STX6: variants seen among roughly 807,000 people sequenced by gnomAD.
STX6 encodes syntaxin-6.
Under a neutral mutation model 38.0 loss-of-function variants are expected in STX6, and 23 were observed. That is an observed-to-expected ratio of 0.60 (90% CI 0.43 to 0.86). The LOEUF (loss-of-function observed/expected upper bound fraction) is 0.86. Ranked by LOEUF, STX6 falls within the 40% of genes least tolerant of loss-of-function variation. The pLI is 0.00. For synonymous variants in STX6, 123 were observed against 107.5 expected, an observed-to-expected ratio of 1.14 and a Z score of -0.89; for missense variants, 274 against 312.9, an observed-to-expected ratio of 0.88 and a Z score of 0.94.
intron 7 of STX6, among the ~76,000 whole-genome samples, chr1:180,980,229 T>C (rs1315512182): frequency 2.2e-5 from 2 of 92,320 alleles, no homozygotes; most frequent in South Asian, 6.3e-4. Flanking sequence ...AAAAACACCA[T>C]GAAAGAGCTG....
intron 4 of STX6, among the ~76,000 whole-genome samples, chr1:180,990,514 A>T (rs904279972): frequency 2.0e-5 from 3 of 151,454 alleles, no homozygotes; most frequent in Admixed American, 6.6e-5. Context: ...GTACTTTTTT[A>T]AAAAAAGTGT....
rs140743270 is a variant in STX6, at chr1:180,988,291, C to T, written c.544G>A (p.Val182Met). The T allele has an allele frequency of 5.0e-5, 81 of 1,613,942 alleles. No individual in the cohort carries two copies. The highest frequency in any genetic ancestry group is 6.4e-5 in the Non-Finnish European group (76 of 1,179,972). Reference sequence around the variant, plus strand: ...ATGCGCTGGGACATGTTCTTCAGCACCCCGATGCTGCCAGAGACCAGCTCC... The same window carrying T: ...ATGCGCTGGGACATGTTCTTCAGCATCCCGATGCTGCCAGAGACCAGCTCC... ...QLELVSGSIGVLKNMSQRIGG... is the reference protein window; with the variant it reads ...QLELVSGSIGMLKNMSQRIGG... Residue 182 changes from valine (V) to methionine (M), a missense_variant, in exon 6 of 8, where the codon GTG becomes ATG. Val to Met is a conservative substitution (Grantham distance 21). Coordinates refer to ENST00000258301, the MANE Select transcript of STX6 (RefSeq NM_005819.6).
intron 1 of STX6, among the ~76,000 whole-genome samples, chr1:181,007,353 G>C (rs1365664373): frequency 6.6e-6 from 1 of 152,056 alleles, no homozygotes; most frequent in Non-Finnish European, 1.5e-5. Flanking sequence ...TGTTCAGTAG[G>C]GATGCAACCA....
rs140415977 is a variant in STX6 at position 180,981,794 on chromosome 1, G to A, written c.691+2883C>T. On this transcript the variant is annotated intron_variant, in intron 7 of 7. Coordinates refer to ENST00000258301, the MANE Select transcript of STX6 (RefSeq NM_005819.6). Reference sequence around the variant, plus strand: ...CCCAGCAGACTTCTCAGCACTTCCCGCAGAGGCTTCATGCATAGAAGGAAC... The same window carrying A: ...CCCAGCAGACTTCTCAGCACTTCCCACAGAGGCTTCATGCATAGAAGGAAC... Among the ~76,000 whole-genome samples, 896 of 152,278 alleles carry A rather than the reference G, an allele frequency of 5.9e-3. 14 individuals carry two copies. The highest frequency in any genetic ancestry group is 0.021 in the African/African-American group (860 of 41,540).
At chr1:180,978,197 G>A (rs184242063) in intron 7 of STX6, among the ~76,000 whole-genome samples, 8 of 152,148 alleles carry the variant, frequency 5.3e-5, no homozygotes, top group African/African-American at 7.2e-5. Context: ...TCACTCTGTC[G>A]TAACAAGTAA....
chr1:181,008,308 C>T (rs538737940), intron 1 of STX6, among the ~76,000 whole-genome samples: 5 of 152,222 alleles, frequency 3.3e-5, no homozygotes, highest in African/African-American at 9.6e-5. Context: ...GCTGAGATTC[C>T]GTTATCCAAA....
At chr1:180,993,905 C>T (rs1655825600) in intron 3 of STX6, among the ~76,000 whole-genome samples, 1 of 152,122 alleles carries the variant, frequency 6.6e-6, no homozygotes, top group African/African-American at 2.4e-5. Flanking sequence ...TGTAAAAAAC[C>T]ATGTGCTTTT....
chr1:181,005,221 G>A, intron 2 of STX6, 73 bp downstream of exon 2: 2 of 1,547,334 alleles, frequency 1.3e-6, no homozygotes, highest in Non-Finnish European at 1.7e-6. Context: ...TCTACATACT[G>A]GAAACAACTG....
intron 3 of STX6, among the ~76,000 whole-genome samples, chr1:180,997,032 A>G (rs1236024163): frequency 6.6e-6 from 1 of 152,250 alleles, no homozygotes; most frequent in Non-Finnish European, 1.5e-5. Context: ...ATCATAACAG[A>G]GCCACATTAA....
At chr1:180,987,537 T>A (rs1655623183) in intron 6 of STX6, among the ~76,000 whole-genome samples, 1 of 151,944 alleles carries the variant, frequency 6.6e-6, no homozygotes, top group Non-Finnish European at 1.5e-5. Flanking sequence ...GAATTCATAA[T>A]CAATCAATGT....
chr1:181,018,961 G>A (rs1479255856), intron 1 of STX6, among the ~76,000 whole-genome samples: 1 of 152,154 alleles, frequency 6.6e-6, no homozygotes. Context: ...TGAAGCCTGA[G>A]TACACCACTT....
intron 7 of STX6, among the ~76,000 whole-genome samples, chr1:180,982,690 ATGAG>A (rs766569019): frequency 3.9e-5 from 6 of 152,226 alleles, no homozygotes; most frequent in Non-Finnish European, 8.8e-5. Flanking sequence ...TACTACATAC[ATGAG>A]TGAGAGGCCT....
chr1:180,995,317 C>T (rs1655874831), intron 3 of STX6, among the ~76,000 whole-genome samples: 1 of 152,130 alleles, frequency 6.6e-6, no homozygotes, highest in Non-Finnish European at 1.5e-5. Flanking sequence ...CGAAGTCAGA[C>T]TCTTGACGGC....
chr1:181,004,273 G>C (rs1313069651), intron 2 of STX6, among the ~76,000 whole-genome samples: 7 of 152,206 alleles, frequency 4.6e-5, no homozygotes, highest in African/African-American at 1.7e-4. Context: ...ACAGCTCCTT[G>C]ATCCCTTGGA....
chr1:181,018,245 T>TA (rs1656618953), intron 1 of STX6, among the ~76,000 whole-genome samples: 1 of 151,654 alleles, frequency 6.6e-6, no homozygotes, highest in Admixed American at 6.6e-5. Flanking sequence ...TAGCCAGGCA[T>TA]AGTGGCGCAC....
chr1:181,009,208 T>C (rs1440170564), intron 1 of STX6, among the ~76,000 whole-genome samples: 1 of 152,210 alleles, frequency 6.6e-6, no homozygotes, highest in Non-Finnish European at 1.5e-5. Flanking sequence ...GGCTCATGCC[T>C]GTAATCACAG....
At chr1:180,982,623 T>A (rs1446216884) in intron 7 of STX6, among the ~76,000 whole-genome samples, 1 of 152,246 alleles carries the variant, frequency 6.6e-6, no homozygotes, top group Non-Finnish European at 1.5e-5. Flanking sequence ...TGCATCTTTG[T>A]TCACTTGCTC....
In STX6 at chr1:180,976,488, G is replaced by T. The variant is rs1052519333; in HGVS notation, c.*82C>A. The T allele has an allele frequency of 1.7e-6, 2 of 1,197,446 alleles. No homozygotes were observed. Among genetic ancestry groups the T allele is most frequent in the African/African-American group, 3.0e-5 (2 of 66,762 alleles). The allele number at this position is 1,197,446 out of a possible 1,614,324, so 74.2% of individuals were successfully genotyped here. ...TGTTTCCAGGATAGGAATGTGAGTA[G>T]ACGGCAATGTCACACGTGCTCAGCT... On this transcript the variant is annotated 3_prime_UTR_variant, in exon 8 of 8. Transcript: ENST00000258301.
chr1:181,010,742 A>G (rs769109167), intron 1 of STX6, among the ~76,000 whole-genome samples: 3 of 152,096 alleles, frequency 2.0e-5, no homozygotes, highest in African/African-American at 7.2e-5. Flanking sequence ...AGTTTTAGCC[A>G]CCACAGCTTT....
Sources: gnomAD v4.1 joint callset for allele counts (sites outside exome capture counted in the v4.1 genomes callset) on GRCh38, gnomAD v4.1.1 for gene constraint, MANE v1.5 for transcripts, NCBI Gene and HGNC (gene_info 2026-07-23, HGNC 2026-07-21) for gene names.